The following ITPR1 variants were observed in gnomAD, a reference collection of about 807,000 sequenced individuals.
ITPR1 encodes inositol 1,4,5-trisphosphate-gated calcium channel ITPR1.
In ITPR1, 96 loss-of-function variants were observed where a neutral mutation model predicts 318.4. The observed-to-expected ratio is 0.30, with a 90% CI of 0.26 to 0.36. ITPR1 has a LOEUF of 0.36. Among genes scored for constraint, ITPR1 ranks in the 10% least tolerant of loss-of-function variants. The pLI is 1.00. For missense variants in ITPR1, 2,440 were observed against 3,460.2 expected (o/e 0.71, Z 7.40); for synonymous variants, 1,312 against 1,289.9 (o/e 1.02, Z -0.37).
intron 7 of ITPR1, among the ~76,000 whole-genome samples, chr3:4,642,750 C>T (rs2093366233): frequency 6.6e-6 from 1 of 152,100 alleles, no homozygotes; most frequent in South Asian, 2.1e-4. Context: ...GGAGCAGGGC[C>T]CACTCCTGAG....
intron 6 of ITPR1, 98 bp downstream of exon 6, chr3:4,639,568 C>A: frequency 1.2e-6 from 1 of 868,182 alleles, no homozygotes; most frequent in Non-Finnish European, 1.8e-6. Context: ...ACCTTTACAG[C>A]AGGACTCCAT....
chr3:4,673,117 C>T lies in ITPR1; in HGVS notation c.2205-19C>T. 1 of 1,606,630 alleles carries T rather than the reference C, an allele frequency of 6.2e-7. No homozygotes were observed. The highest frequency in any genetic ancestry group is 8.5e-7 in the Non-Finnish European group (1 of 1,175,000). On this transcript the variant is annotated intron_variant, in intron 20 of 61. Transcript: ENST00000649015. The stretch of plus-strand genomic sequence containing the variant: ...TGATTTCTGGAGCGTGAGCTGTGTG[C>T]CCTTGTTCCTTCCTCTAGATATCAG...
chr3:4,699,064 T>A (rs1248134657), intron 34 of ITPR1, among the ~76,000 whole-genome samples: 1 of 152,024 alleles, frequency 6.6e-6, no homozygotes, highest in Non-Finnish European at 1.5e-5. Flanking sequence ...TTGGAGATGG[T>A]CAGGCCAGGT....
intron 4 of ITPR1, among the ~76,000 whole-genome samples, chr3:4,595,106 T>C (rs1019543585): frequency 1.3e-5 from 2 of 152,238 alleles, no homozygotes; most frequent in African/African-American, 2.4e-5. Flanking sequence ...GGGAATTTGC[T>C]GAGTCAAGTA....
At chr3:4,669,503 G>T (rs2094025780) in intron 18 of ITPR1, 151 bp from the exon 19 acceptor site, 2 of 587,150 alleles carry the variant, frequency 3.4e-6, no homozygotes, top group Non-Finnish European at 5.4e-6. Flanking sequence ...GCTTTCTGGT[G>T]ATGCCATAAA....
intron 39 of ITPR1, among the ~76,000 whole-genome samples, chr3:4,716,507 C>A (rs560679035): frequency 1.3e-5 from 2 of 152,234 alleles, no homozygotes; most frequent in South Asian, 4.1e-4. Flanking sequence ...TGTTTTAGTA[C>A]TAGAAAGTAT....
At chr3:4,556,018 C>T (rs1192761428) in intron 4 of ITPR1, among the ~76,000 whole-genome samples, 2 of 152,184 alleles carry the variant, frequency 1.3e-5, no homozygotes, top group Non-Finnish European at 2.9e-5. Context: ...GATCCTTCAC[C>T]TAGCTCTTCA....
At chr3:4,508,865 A>T (rs2124897485) in intron 2 of ITPR1, among the ~76,000 whole-genome samples, 2 of 152,274 alleles carry the variant, frequency 1.3e-5, no homozygotes, top group South Asian at 4.1e-4. Context: ...AGTACTTTGG[A>T]GATGCTGTCC....
intron 45 of ITPR1, among the ~76,000 whole-genome samples, chr3:4,767,675 C>T (rs1025149502): frequency 2.0e-5 from 3 of 152,236 alleles, no homozygotes; most frequent in African/African-American, 7.2e-5. Flanking sequence ...TGCACCACTA[C>T]ATCTGGCTGA....
In ITPR1 at chr3:4,688,470, C is replaced by A. The variant is rs544437340; in HGVS notation, c.3703-25C>A. On this transcript the variant is annotated intron_variant, in intron 30 of 61. Transcript: ENST00000649015. ...TGGTCTCCTGGCCCAGCAATCAGTG[C>A]TTTCATCTGTCTCCTCCCACACAGG... 1.8e-5 allele frequency: 29 copies of A among 1,612,458 alleles called. No individual in the cohort carries two copies. In the East Asian group the frequency reaches 6.0e-4, roughly 33 times the overall value.
rs187110321 is a variant in ITPR1 at position 4,748,300 on chromosome 3, C to G, written c.5544+12946C>G. On this transcript the variant is annotated intron_variant, in intron 44 of 61. Transcript: ENST00000649015. ...CCCTGTACCCACTTTGGAGCTCTGCCTACTAGAGAGCAGTGTCTATCTTGT... is the reference window on the plus strand; with the variant it reads ...CCCTGTACCCACTTTGGAGCTCTGCGTACTAGAGAGCAGTGTCTATCTTGT... Among the ~76,000 whole-genome samples, 3 of 152,308 alleles carry G rather than the reference C, an allele frequency of 2.0e-5. No individual in the cohort carries two copies. The East Asian group carries it at 5.8e-4, about 29-fold the overall frequency.
At chr3:4,738,215 T>G (rs1029815511) in intron 44 of ITPR1, among the ~76,000 whole-genome samples, 2 of 151,984 alleles carry the variant, frequency 1.3e-5, no homozygotes, top group Admixed American at 6.5e-5. Flanking sequence ...AAATAAAAGT[T>G]TAAAAAAGAA....
At chr3:4,690,968 A>T (rs372194921) in intron 31 of ITPR1, among the ~76,000 whole-genome samples, 176 bp from the exon 32 acceptor site, 110 of 152,008 alleles carry the variant, frequency 7.2e-4, no homozygotes, top group Middle Eastern at 6.8e-3. Context: ...ATGTCAATGA[A>T]AAAAGCTTAC....
intron 11 of ITPR1, among the ~76,000 whole-genome samples, chr3:4,652,666 A>G (rs2093622541): frequency 6.6e-6 from 1 of 152,204 alleles, no homozygotes; most frequent in Admixed American, 6.5e-5. Flanking sequence ...TGGAATAGAC[A>G]GTGGCTTATC....
At chr3:4,828,928 A>G (rs999276800) in intron 60 of ITPR1, among the ~76,000 whole-genome samples, 6 of 152,178 alleles carry the variant, frequency 3.9e-5, no homozygotes, top group African/African-American at 9.7e-5. Flanking sequence ...AGAAATCAGT[A>G]TCCCTAAAAT....
chr3:4,697,033 G>A (rs2094570074), intron 33 of ITPR1, 114 bp from the exon 34 acceptor site: 2 of 799,912 alleles, frequency 2.5e-6, no homozygotes. Context: ...GTAAGACTTG[G>A]CAGTGGGGAA....
Position 4,707,336 on chromosome 3 carries a change from T to C in ITPR1, c.4842+985T>C, listed in dbSNP as rs149051474. On this transcript the variant is annotated intron_variant, in intron 37 of 61. Coordinates refer to ENST00000649015, the MANE Select transcript of ITPR1 (RefSeq NM_001378452.1). ...GATAGTGACTGCGGTTGGACTCATC[T>C]TGACACCTTGCTCACTCGCATATTT... 3.9e-3 allele frequency among the ~76,000 whole-genome samples: 588 copies of C among 152,356 alleles called. 4 individuals are homozygous for C. Among genetic ancestry groups the C allele is most frequent in the Middle Eastern group, 0.014 (4 of 294 alleles).
intron 44 of ITPR1, among the ~76,000 whole-genome samples, chr3:4,759,144 C>A (rs2045247520): frequency 6.6e-6 from 1 of 152,226 alleles, no homozygotes; most frequent in Non-Finnish European, 1.5e-5. Context: ...CGTCACTGTC[C>A]ACTAGCCCCT....
At chr3:4,577,926 C>G (rs1301388875) in intron 4 of ITPR1, among the ~76,000 whole-genome samples, 2 of 152,190 alleles carry the variant, frequency 1.3e-5, no homozygotes, top group African/African-American at 2.4e-5. Context: ...TCTCCCCCAC[C>G]TCAATCTTAC....
Sources: gnomAD v4.1 joint callset for allele counts (sites outside exome capture counted in the v4.1 genomes callset) on GRCh38, gnomAD v4.1.1 for gene constraint, MANE v1.5 for transcripts, NCBI Gene and HGNC (gene_info 2026-07-23, HGNC 2026-07-21) for gene names.